The following HMCN1 variants were observed in gnomAD, a reference collection of about 807,000 sequenced individuals.
The protein encoded by HMCN1 is hemicentin 1.
A neutral mutation model predicts 625.9 loss-of-function variants in HMCN1; 321 were observed. That is an observed-to-expected ratio of 0.51 (90% CI 0.47 to 0.56). The LOEUF is 0.56. Among genes scored for constraint, HMCN1 ranks in the 20% least tolerant of loss-of-function variants. The pLI, the probability that HMCN1 is intolerant of heterozygous loss-of-function variation, is 0.00. For missense variants in HMCN1, 6,588 were observed against 6,887.3 expected (o/e 0.96, Z 1.54); for synonymous variants, 2,425 against 2,417.6 (o/e 1.00, Z -0.09).
At chr1:185,810,686 GTGTA>G (rs1659461518) in intron 1 of HMCN1, among the ~76,000 whole-genome samples, 1 of 147,396 alleles carries the variant, frequency 6.8e-6, no homozygotes, top group Non-Finnish European at 1.5e-5. Flanking sequence ...GTGTGTGTGT[GTGTA>G]TCTCACATGT....
chr1:185,817,583 T>A (rs1490599333), intron 1 of HMCN1, among the ~76,000 whole-genome samples: 3 of 152,212 alleles, frequency 2.0e-5, no homozygotes, highest in Non-Finnish European at 2.9e-5. Context: ...GGATCACAAA[T>A]AATGGTTAAT....
At chr1:185,992,819 A>T (rs1487215305) in intron 22 of HMCN1, among the ~76,000 whole-genome samples, 1 of 152,198 alleles carries the variant, frequency 6.6e-6, no homozygotes, top group Non-Finnish European at 1.5e-5. Context: ...TTTTGAGAAC[A>T]TGTATGTCTT....
intron 100 of HMCN1, among the ~76,000 whole-genome samples, chr1:186,170,611 G>A (rs973449511): frequency 1.3e-5 from 2 of 152,124 alleles, no homozygotes; most frequent in Non-Finnish European, 2.9e-5. Context: ...AATGATTGAT[G>A]GACTACAGTC....
In HMCN1 at chr1:185,809,357, A is replaced by G. The variant is rs544472351; in HGVS notation, c.269-36669A>G. Among the ~76,000 whole-genome samples the G allele has an allele frequency of 2.0e-5, 3 of 152,096 alleles. 1 individual carries two copies. In the South Asian group the frequency reaches 6.2e-4, roughly 32 times the overall value. On this transcript the variant is annotated intron_variant, in intron 1 of 106. Transcript: ENST00000271588. Reference sequence around the variant, plus strand: ...AATATGTTTTCTTTGTCTCCATTCCATTAACAATGAATTTGAATACACACA... The same window carrying G: ...AATATGTTTTCTTTGTCTCCATTCCGTTAACAATGAATTTGAATACACACA...
chr1:185,919,682 A>C (rs549951746), intron 6 of HMCN1, among the ~76,000 whole-genome samples: 2 of 152,284 alleles, frequency 1.3e-5, no homozygotes, highest in Admixed American at 6.5e-5. Flanking sequence ...TGAGATCATC[A>C]TGAGAAACGC....
intron 4 of HMCN1, among the ~76,000 whole-genome samples, chr1:185,892,056 T>C (rs1248918007): frequency 6.6e-6 from 1 of 151,440 alleles, no homozygotes; most frequent in Non-Finnish European, 1.5e-5. Flanking sequence ...TTCATTTCAT[T>C]CATTTCATCT....
intron 1 of HMCN1, among the ~76,000 whole-genome samples, chr1:185,776,402 G>A (rs781236227): frequency 3.3e-5 from 5 of 151,614 alleles, no homozygotes; most frequent in Non-Finnish European, 5.9e-5. Context: ...TGCCCATCAG[G>A]TGGTGATTAA....
chr1:186,069,820 T>A (rs967818515), intron 51 of HMCN1, 44 bp downstream of exon 51: 1 of 1,277,148 alleles, frequency 7.8e-7, no homozygotes, highest in African/African-American at 1.5e-5. Flanking sequence ...TCCCCAATTT[T>A]TCTAACTTTT....
In HMCN1 at chr1:185,887,082, T is replaced by G. The variant is rs1464790566; in HGVS notation, c.621+21219T>G. ...ACTTTTTAGCTTTTAACTTCTTTCC[T>G]TTCCATCTTTCAAGGGTCATCTTTT... On this transcript the variant is annotated intron_variant, in intron 4 of 106. Coordinates refer to ENST00000271588, the MANE Select transcript of HMCN1 (RefSeq NM_031935.3). Among the ~76,000 whole-genome samples the G allele has an allele frequency of 2.6e-5, 4 of 152,150 alleles. No individual in the cohort carries two copies. In the East Asian group the frequency reaches 7.7e-4, roughly 29 times the overall value.
chr1:186,109,246 G>A (rs1660766354), intron 71 of HMCN1, among the ~76,000 whole-genome samples: 1 of 151,972 alleles, frequency 6.6e-6, no homozygotes. Context: ...CCTACACTTT[G>A]TTTCTAGTAG....
rs530307991 is a variant in HMCN1 at position 186,037,930 on chromosome 1, G to A, written c.5750-4G>A. 17 of 1,578,254 alleles carry A rather than the reference G, an allele frequency of 1.1e-5. No homozygotes were observed. Among genetic ancestry groups the A allele is most frequent in the Non-Finnish European group, 1.5e-5 (17 of 1,147,466 alleles). On this transcript the variant is annotated splice_region_variant and splice_polypyrimidine_tract_variant and intron_variant, in intron 36 of 106. Coordinates refer to ENST00000271588, the MANE Select transcript of HMCN1 (RefSeq NM_031935.3). ...AAATAATTATCTGTTTGGGCCTCTT[G>A]TAGAACCACCTAGTCTGGAAGATGC...
At position 186,055,408 on chromosome 1, in the gene HMCN1, C is replaced by T; in HGVS notation, c.6878C>T (p.Thr2293Ile). ...CAACCCTCAGTTAGACCAACCATAA[C>T]CAACAGTGGCAGCCACCCTACTGAA... ...NLQVYIRPTI[T>I]NSGSHPTEII... is the part of the protein sequence containing the mutation. The change falls in exon 45 of 107, where the codon ACC becomes ATC. Residue 2293 changes from threonine to isoleucine, a missense_variant. By Grantham distance (89) the Thr-to-Ile change is moderately conservative (BLOSUM62 -1). This residue lies in a region of HMCN1 where 4,628 missense variants were observed against 4,853.1 expected (regional missense o/e 0.95). Transcript: ENST00000271588. The T allele has an allele frequency of 6.2e-7, 1 of 1,612,524 alleles. No individual in the cohort carries two copies. Among genetic ancestry groups the T allele is most frequent in the Non-Finnish European group, 8.5e-7 (1 of 1,178,998 alleles).
In HMCN1 at chr1:186,119,173, A is replaced by G; in HGVS notation, c.11849-18A>G. On this transcript the variant is annotated intron_variant, in intron 77 of 106. Transcript: ENST00000271588. ...ACTGAGATGCAGTATATATTAAAAC[A>G]TTTTTTTTCATTTTTAGGAGCAATT... 1 of 1,575,576 alleles carries G rather than the reference A, an allele frequency of 6.3e-7. No homozygotes were observed. Among genetic ancestry groups the G allele is most frequent in the African/African-American group, 1.3e-5 (1 of 74,178 alleles).
At chr1:185,773,848 C>T (rs1286397528) in intron 1 of HMCN1, among the ~76,000 whole-genome samples, 2 of 152,088 alleles carry the variant, frequency 1.3e-5, no homozygotes, top group African/African-American at 2.4e-5. Context: ...AGAGAGGTGA[C>T]AGGTGCAGTT....
intron 40 of HMCN1, among the ~76,000 whole-genome samples, chr1:186,042,186 AC>A (rs1315215643): frequency 6.6e-6 from 1 of 152,144 alleles, no homozygotes. Context: ...ACACGAGTTC[AC>A]ATTCAGCCTC....
intron 36 of HMCN1, among the ~76,000 whole-genome samples, chr1:186,023,939 T>C (rs761257759): frequency 3.9e-5 from 6 of 151,970 alleles, no homozygotes; most frequent in Non-Finnish European, 8.8e-5. Flanking sequence ...AATAAAAGAG[T>C]AAATAGTAGG....
In HMCN1 at chr1:186,189,753, C is replaced by G. The variant is rs1412752744; in HGVS notation, c.16783C>G (p.Arg5595Gly). ...ENLKGVVYTT[R>G]PLREAETYRM... ...CCTGAAAGGAGTGGTGTATACAACA[C>G]GACCACTACGAGAAGCAGAGACCTA... The change falls in exon 107 of 107, where the codon CGA becomes GGA. Residue 5595 changes from arginine (R) to glycine (G), a missense_variant. Coordinates refer to ENST00000271588, the MANE Select transcript of HMCN1 (RefSeq NM_031935.3). The G allele has an allele frequency of 1.2e-6, 2 of 1,613,492 alleles. No homozygotes were observed. The highest frequency in any genetic ancestry group is 1.3e-5 in the African/African-American group (1 of 74,886).
chr1:185,907,301 T>C (rs1262982998), intron 4 of HMCN1, among the ~76,000 whole-genome samples: 12 of 152,032 alleles, frequency 7.9e-5, no homozygotes, highest in Admixed American at 7.9e-4. Context: ...TTTTGTTTTT[T>C]TGCTCAATTC....
intron 11 of HMCN1, among the ~76,000 whole-genome samples, chr1:185,948,832 G>A (rs1208462048): frequency 1.3e-5 from 2 of 151,742 alleles, no homozygotes; most frequent in Admixed American, 1.3e-4. Flanking sequence ...AATGGGCGAT[G>A]TTTCTCAGGG....
Sources: gnomAD v4.1 joint callset for allele counts (sites outside exome capture counted in the v4.1 genomes callset) on GRCh38, gnomAD v4.1.1 for gene constraint, gnomAD v4.1.1 regional missense constraint, MANE v1.5 for transcripts, NCBI Gene and HGNC (gene_info 2026-07-23, HGNC 2026-07-21) for gene names.